The following ADGRB3 variants were observed in gnomAD, a reference collection of about 807,000 sequenced individuals.
ADGRB3 encodes brain-specific angiogenesis inhibitor 3.
ADGRB3 carries 37 observed loss-of-function variants against 193.4 expected under a neutral mutation model. The ratio of observed to expected loss-of-function variants is 0.19; its 90% CI spans 0.15 to 0.25. The LOEUF (loss-of-function observed/expected upper bound fraction) is 0.25. ADGRB3 is among the 10% of genes least tolerant of loss of function. The pLI, the probability that ADGRB3 is intolerant of heterozygous loss-of-function variation, is 1.00. For missense variants in ADGRB3, 1,637 were observed against 1,852.9 expected (o/e 0.88, Z 2.14); for synonymous variants, 690 against 644.2 (o/e 1.07, Z -1.08).
At chr6:69,231,091 G>T (rs566726124) in intron 17 of ADGRB3, among the ~76,000 whole-genome samples, 6 of 152,238 alleles carry the variant, frequency 3.9e-5, no homozygotes, top group Non-Finnish European at 7.4e-5. Flanking sequence ...GTTTTGCCTG[G>T]GGCTCGGCCA....
intron 11 of ADGRB3, among the ~76,000 whole-genome samples, chr6:68,999,325 C>T (rs1158915114): frequency 1.4e-5 from 2 of 147,512 alleles, no homozygotes; most frequent in East Asian, 2.0e-4. Context: ...AGATCAGTGG[C>T]GAGATCTTCG....
intron 17 of ADGRB3, among the ~76,000 whole-genome samples, chr6:69,149,403 A>G (rs1600874): frequency 0.22 from 32,931 of 151,346 alleles, 3,844 homozygotes; most frequent in Middle Eastern, 0.25. Flanking sequence ...AATTACTTCA[A>G]TGTCTTTGTT....
At chr6:68,789,025 C>T (rs1224984925) in intron 3 of ADGRB3, among the ~76,000 whole-genome samples, 1 of 151,878 alleles carries the variant, frequency 6.6e-6, no homozygotes, top group Non-Finnish European at 1.5e-5. Flanking sequence ...TCCTCCATCC[C>T]TTTATTTTGA....
chr6:69,258,215 G>C (rs1033503300), intron 20 of ADGRB3, among the ~76,000 whole-genome samples: 11 of 152,156 alleles, frequency 7.2e-5, no homozygotes, highest in African/African-American at 2.4e-4. Flanking sequence ...AATTCCTAGA[G>C]ATTAGAGGAA....
At chr6:69,307,076 T>C (rs1181890054) in intron 20 of ADGRB3, among the ~76,000 whole-genome samples, 3 of 151,450 alleles carry the variant, frequency 2.0e-5, no homozygotes, top group Non-Finnish European at 4.4e-5. Flanking sequence ...AATAGCTTTT[T>C]TTTTTGCTTC....
chr6:69,064,601 T>C (rs913047186), intron 16 of ADGRB3, among the ~76,000 whole-genome samples: 1 of 151,048 alleles, frequency 6.6e-6, no homozygotes, highest in African/African-American at 2.4e-5. Context: ...TATATGTTTT[T>C]ATTGTTTTTC....
intron 18 of ADGRB3, among the ~76,000 whole-genome samples, chr6:69,234,435 A>G (rs1437691111): frequency 6.6e-6 from 1 of 152,162 alleles, no homozygotes; most frequent in Non-Finnish European, 1.5e-5. Flanking sequence ...AAAAATCACA[A>G]AATATACTTG....
intron 3 of ADGRB3, among the ~76,000 whole-genome samples, chr6:68,655,279 A>C (rs976889794): frequency 1.1e-4 from 16 of 151,658 alleles, no homozygotes; most frequent in Middle Eastern, 3.4e-3. Context: ...ACACTTCTCT[A>C]AACATCAGGG....
intron 17 of ADGRB3, among the ~76,000 whole-genome samples, chr6:69,189,408 A>G (rs1189903495): frequency 6.6e-6 from 1 of 152,202 alleles, no homozygotes. Flanking sequence ...GTTTCATATT[A>G]AAGATTTTGA....
chr6:69,031,935 T>C (rs1770724070), intron 13 of ADGRB3, among the ~76,000 whole-genome samples: 1 of 152,158 alleles, frequency 6.6e-6, no homozygotes, highest in Admixed American at 6.5e-5. Flanking sequence ...CTGGCAGTTT[T>C]CTTTATTCTC....
At chr6:68,954,683 CT>C (rs146229021) in intron 6 of ADGRB3, among the ~76,000 whole-genome samples, 254 of 140,560 alleles carry the variant, frequency 1.8e-3, no homozygotes, top group African/African-American at 2.7e-3. Context: ...CGTTCAATGG[CT>C]TTTTTTTTTT....
chr6:69,191,300 A>G (rs1667827549), intron 17 of ADGRB3, among the ~76,000 whole-genome samples: 1 of 152,146 alleles, frequency 6.6e-6, no homozygotes, highest in South Asian at 2.1e-4. Flanking sequence ...AAATAATGTG[A>G]GCCTTTTTCA....
chr6:68,985,064 A>T (rs1310007996), intron 10 of ADGRB3, among the ~76,000 whole-genome samples: 1 of 150,884 alleles, frequency 6.6e-6, no homozygotes, highest in Non-Finnish European at 1.5e-5. Context: ...AGCAGGCTGC[A>T]TTGTACAACC....
At chr6:68,694,070 A>G (rs1765119499) in intron 3 of ADGRB3, among the ~76,000 whole-genome samples, 1 of 152,008 alleles carries the variant, frequency 6.6e-6, no homozygotes, top group African/African-American at 2.4e-5. Flanking sequence ...TGAACTTATG[A>G]TATCAGCAGG....
chr6:68,698,788 G>T (rs1458940487), intron 3 of ADGRB3, among the ~76,000 whole-genome samples: 1 of 151,980 alleles, frequency 6.6e-6, no homozygotes, highest in African/African-American at 2.4e-5. Flanking sequence ...CTAAATAGAC[G>T]GTGTTGTGAT....
intron 3 of ADGRB3, among the ~76,000 whole-genome samples, chr6:68,910,217 T>C (rs1766661571): frequency 6.6e-6 from 1 of 152,238 alleles, no homozygotes; most frequent in Non-Finnish European, 1.5e-5. Flanking sequence ...TTGAGAAGTG[T>C]CTGTTCATAG....
chr6:69,030,956 T>TTCTTTTCTTTTCTTTTCTTTTCTTTTC lies in ADGRB3; in HGVS notation c.2107+12458_2107+12459insCTTTTCTTTTCTTTTCTTTTCTTTTCT, dbSNP rs746281020. On this transcript the variant is annotated intron_variant, in intron 13 of 31. Coordinates refer to ENST00000370598, the MANE Select transcript of ADGRB3 (RefSeq NM_001704.3). ...GGTTTTAATTTTCTTTTCTTTTCTT[T>TTCTTTTCTTTTCTTTTCTTTTCTTTTC]TTTTCTTTTCTTTTCTTTTCTTTTC... Among the ~76,000 whole-genome samples, 3 of 72,372 alleles carry TTCTTTTCTTTTCTTTTCTTTTCTTTTC rather than the reference T, an allele frequency of 4.1e-5. 1 individual carries two copies. The highest frequency in any genetic ancestry group is 1.7e-4 in the African/African-American group (3 of 17,210). The allele number at this position is 72,372 out of a possible 152,430, so 47.5% of individuals were successfully genotyped here.
chr6:68,805,456 A>G (rs1035103967), intron 3 of ADGRB3, among the ~76,000 whole-genome samples: 2 of 152,180 alleles, frequency 1.3e-5, no homozygotes, highest in Admixed American at 6.5e-5. Flanking sequence ...CTTAGTGAAT[A>G]AAATTGAATG....
At chr6:69,347,609 C>A (rs1769129288) in intron 26 of ADGRB3, among the ~76,000 whole-genome samples, 1 of 151,784 alleles carries the variant, frequency 6.6e-6, no homozygotes, top group African/African-American at 2.4e-5. Context: ...AGACCCACAT[C>A]TCTACAAAAA....
Sources: allele counts gnomAD v4.1 joint callset (sites outside exome capture counted in the v4.1 genomes callset), GRCh38; gene constraint gnomAD v4.1.1; transcripts MANE v1.5; gene names NCBI Gene and HGNC (gene_info 2026-07-23, HGNC 2026-07-21).